The following SLC35D1 variants were observed in gnomAD, a reference collection of about 807,000 sequenced individuals.
SLC35D1 encodes the protein nucleotide sugar transporter SLC35D1.
Under a neutral mutation model 46.7 loss-of-function variants are expected in SLC35D1, and 31 were observed. The ratio of observed to expected loss-of-function variants is 0.66; its 90% CI spans 0.50 to 0.90. The LOEUF is 0.90. SLC35D1 is among the 40% of genes least tolerant of loss of function. The probability of loss-of-function intolerance (pLI) is 0.00; values close to 1 mark genes in which losing one functional copy is unlikely to be tolerated. For synonymous variants in SLC35D1, 195 were observed against 164.6 expected (o/e 1.18, Z -1.41); for missense variants, 397 against 426.2 (o/e 0.93, Z 0.60).
the SLC35D1 span, chr1:66,986,997 T>TGTGAA: frequency 6.6e-6 from 1 of 152,402 alleles, no homozygotes; most frequent in Admixed American, 6.5e-5. Context: ...TTTGCAGGTT[T>TGTGAA]GTGAAGTTCT....
chr1:67,019,968 C>A (rs1022751555), intron 10 of SLC35D1, among the ~76,000 whole-genome samples: 2 of 152,040 alleles, frequency 1.3e-5, no homozygotes, highest in Non-Finnish European at 2.9e-5. Flanking sequence ...GAAAACCCCC[C>A]CAATTAGCTT....
At chr1:66,980,479 A>G in the SLC35D1 span, among the ~76,000 whole-genome samples, 6 of 152,180 alleles carry the variant, frequency 3.9e-5, no homozygotes, top group Non-Finnish European at 7.4e-5. Context: ...TTAAATCCCT[A>G]TAACCTAGGA....
chr1:67,018,951 C>T (rs930837852), intron 10 of SLC35D1, among the ~76,000 whole-genome samples: 3 of 152,160 alleles, frequency 2.0e-5, no homozygotes, highest in Non-Finnish European at 2.9e-5. Flanking sequence ...ACTAATCAGA[C>T]AATTCAGTTT....
downstream of SLC35D1, among the ~76,000 whole-genome samples, chr1:66,994,522 T>C (rs1453806084): frequency 6.6e-6 from 1 of 152,070 alleles, no homozygotes; most frequent in East Asian, 1.9e-4. Context: ...CACAAGCCTG[T>C]AGCCCCAGCT....
chr1:66,994,813 TTAAG>T (rs1667221101), downstream of SLC35D1, among the ~76,000 whole-genome samples: 1 of 151,782 alleles, frequency 6.6e-6, no homozygotes, highest in South Asian at 2.1e-4. Flanking sequence ...CAAGTTTTAA[TTAAG>T]TATTTAAGGT....
At chr1:67,028,113 AG>A (rs1667950017) in intron 8 of SLC35D1, among the ~76,000 whole-genome samples, 2 of 151,456 alleles carry the variant, frequency 1.3e-5, no homozygotes, top group African/African-American at 4.8e-5. Flanking sequence ...AATTATTTAG[AG>A]GTGTGCTAAT....
chr1:67,005,988 A>G (rs1299599840), intron 11 of SLC35D1, among the ~76,000 whole-genome samples: 1 of 152,124 alleles, frequency 6.6e-6, no homozygotes, highest in Non-Finnish European at 1.5e-5. Context: ...GGGCCTCATG[A>G]ACCCAATTCT....
At chr1:67,029,075 A>G (rs1035518423) in intron 8 of SLC35D1, among the ~76,000 whole-genome samples, 5 of 152,204 alleles carry the variant, frequency 3.3e-5, no homozygotes, top group African/African-American at 7.2e-5. Context: ...GAAAGACCAC[A>G]TTCAGTTCCT....
In SLC35D1 at chr1:67,003,204, A is replaced by G. The variant is rs1667378690; in HGVS notation, c.*1136T>C. On this transcript the variant is annotated 3_prime_UTR_variant, in exon 12 of 12. Transcript: ENST00000235345. ...CTAACCAGCCTTTCCCCTCAAACCAATAAATTCAGAAATGTGGGACCTCAT... is the reference window on the plus strand; with the variant it reads ...CTAACCAGCCTTTCCCCTCAAACCAGTAAATTCAGAAATGTGGGACCTCAT... The G allele has an allele frequency of 6.6e-6, 1 of 152,344 alleles. No homozygotes were observed. The highest frequency in any genetic ancestry group is 2.4e-5 in the African/African-American group (1 of 41,448). The allele number at this position is 152,344 out of a possible 1,614,324, so 9.4% of individuals were successfully genotyped here.
At chr1:67,046,630 G>A (rs1645254801) in intron 7 of SLC35D1, among the ~76,000 whole-genome samples, 1 of 152,160 alleles carries the variant, frequency 6.6e-6, no homozygotes, top group Admixed American at 6.5e-5. Flanking sequence ...CCATTTAGGT[G>A]TTTCTTACAG....
At chr1:67,019,349 C>T (rs1339282735) in intron 10 of SLC35D1, among the ~76,000 whole-genome samples, 1 of 152,162 alleles carries the variant, frequency 6.6e-6, no homozygotes, top group Admixed American at 6.5e-5. Flanking sequence ...CTCAGCCAGC[C>T]CAATCCCTGG....
chr1:66,984,374 A>G, the SLC35D1 span, among the ~76,000 whole-genome samples: 1 of 152,222 alleles, frequency 6.6e-6, no homozygotes, highest in East Asian at 1.9e-4. Context: ...TTCATTGTAT[A>G]TATGTAATGA....
downstream of SLC35D1, among the ~76,000 whole-genome samples, chr1:66,998,397 G>A (rs1012585070): frequency 3.3e-5 from 5 of 152,316 alleles, no homozygotes; most frequent in Admixed American, 6.5e-5. Context: ...GCTAAGGCAG[G>A]AGAATCGCTT....
At chr1:66,984,504 G>C in the SLC35D1 span, 3 of 1,136,466 alleles carry the variant, frequency 2.6e-6, no homozygotes, top group Non-Finnish European at 3.8e-6. Flanking sequence ...ACTACAAGCT[G>C]TTTTATAATA....
intron 11 of SLC35D1, chr1:67,008,524 T>C (rs1272850095): frequency 1.7e-6 from 2 of 1,180,228 alleles, no homozygotes; most frequent in African/African-American, 3.2e-5. Context: ...CAAATCTGAA[T>C]GGAACGTGCC....
In SLC35D1 at chr1:67,051,972, C is replaced by T. The variant is rs201461113; in HGVS notation, c.392+40G>A. The T allele has an allele frequency of 4.6e-6, 6 of 1,294,556 alleles. No individual in the cohort carries two copies. In the East Asian group the frequency reaches 9.3e-5, roughly 20 times the overall value. 80.2% of individuals were successfully genotyped at this position (1,294,556 alleles called of 1,614,324 possible). On this transcript the variant is annotated intron_variant, in intron 4 of 11. Coordinates refer to ENST00000235345, the MANE Select transcript of SLC35D1 (RefSeq NM_015139.3). ...ACATTCAAGTACAATTTTAAGAATACATTATATTAACCTCACTAGTAAAAT... is the reference window on the plus strand; with the variant it reads ...ACATTCAAGTACAATTTTAAGAATATATTATATTAACCTCACTAGTAAAAT...
intron 5 of SLC35D1, among the ~76,000 whole-genome samples, 196 bp downstream of exon 5, chr1:67,050,237 T>C (rs905903794): frequency 1.3e-5 from 2 of 152,192 alleles, no homozygotes; most frequent in African/African-American, 4.8e-5. Context: ...CACGTTCAGA[T>C]AAGATTTTCA....
the SLC35D1 span, among the ~76,000 whole-genome samples, chr1:66,984,120 TAAAG>T: frequency 4.6e-5 from 7 of 152,354 alleles, no homozygotes; most frequent in African/African-American, 1.7e-4. Context: ...TCAAGCTTTT[TAAAG>T]AAAGAGCATT....
intron 7 of SLC35D1, among the ~76,000 whole-genome samples, chr1:67,044,153 T>TA (rs1336835488): frequency 3.3e-5 from 5 of 151,998 alleles, no homozygotes; most frequent in African/African-American, 1.2e-4. Context: ...CTGGCCAACA[T>TA]AGAGTAACCC....
Sources: gnomAD v4.1 joint callset for allele counts (sites outside exome capture counted in the v4.1 genomes callset) on GRCh38, gnomAD v4.1.1 for gene constraint, MANE v1.5 for transcripts, NCBI Gene and HGNC (gene_info 2026-07-23, HGNC 2026-07-21) for gene names.